The following NCOR2 variants were observed in gnomAD, a reference collection of about 807,000 sequenced individuals.
The protein encoded by NCOR2 is CTG repeat protein 26.
Under a neutral mutation model 262.9 loss-of-function variants are expected in NCOR2, and 81 were observed. The observed-to-expected ratio is 0.31, with a 90% CI of 0.26 to 0.37. The LOEUF (loss-of-function observed/expected upper bound fraction) is 0.37, where lower values mean the gene tolerates loss of function less well. Among genes scored for constraint, NCOR2 ranks in the 10% least tolerant of loss-of-function variants. The probability of loss-of-function intolerance (pLI) is 1.00; values close to 1 mark genes in which losing one functional copy is unlikely to be tolerated. For missense variants in NCOR2, 3,385 were observed against 3,621.4 expected, an observed-to-expected ratio of 0.93 and a Z score of 1.68; for synonymous variants, 1,659 against 1,559.3, an observed-to-expected ratio of 1.06 and a Z score of -1.51.
At chr12:124,372,039 C>T (rs371992618) in exon 20 of NCOR2, 22 of 1,596,558 alleles carry the variant, frequency 1.4e-5, no homozygotes, top group Non-Finnish European at 1.9e-5. Context: ...TGTCGCCGCC[C>T]TCGGCCTCAT....
intron 44 of NCOR2, among the ~76,000 whole-genome samples, chr12:124,330,642 G>A (rs1040000168): frequency 6.6e-6 from 1 of 152,240 alleles, no homozygotes; most frequent in Non-Finnish European, 1.5e-5. Flanking sequence ...TCCCTGCACA[G>A]CGAGGATCCT....
At chr12:124,339,911 C>A in intron 37 of NCOR2, 95 bp downstream of exon 39, 3 of 1,090,172 alleles carry the variant, frequency 2.8e-6, no homozygotes, top group Admixed American at 2.0e-5. Context: ...ACCCACCTCC[C>A]ATATACCTCC....
At chr12:124,466,789 C>G (rs887434706) in intron 4 of NCOR2, among the ~76,000 whole-genome samples, 18 of 152,052 alleles carry the variant, frequency 1.2e-4, no homozygotes, top group African/African-American at 4.4e-4. Flanking sequence ...CTACTTACTG[C>G]GTAGCCTTGA....
At chr12:124,522,952 C>T (rs568480631) in intron 1 of NCOR2, among the ~76,000 whole-genome samples, 10 of 152,278 alleles carry the variant, frequency 6.6e-5, no homozygotes, top group African/African-American at 9.6e-5. Context: ...GCCAGCCACT[C>T]GTGGGCAGCT....
rs138691304 is a variant in NCOR2 at position 124,378,564 on chromosome 12, C to T, written c.2020-180G>A. On this transcript the variant is annotated intron_variant, in intron 17 of 46. Coordinates refer to ENST00000405201, the Ensembl canonical transcript of NCOR2. This position sits in a 1 kb window ranked among gnomAD's most constrained non-coding sequence, Gnocchi z 4.2. The stretch of plus-strand genomic sequence containing the variant: ...CAAGCGTGCCAGGGTTTATTTTTAC[C>T]GGGGGCTTTATTCTTCCATTGAGCC... Among the ~76,000 whole-genome samples the T allele has an allele frequency of 4.6e-5, 7 of 152,282 alleles. No individual in the cohort carries two copies. The highest frequency in any genetic ancestry group is 9.6e-5 in the African/African-American group (4 of 41,546).
intron 8 of NCOR2, among the ~76,000 whole-genome samples, chr12:124,436,428 G>A (rs562533631): frequency 4.6e-5 from 7 of 152,320 alleles, no homozygotes; most frequent in African/African-American, 1.2e-4. Context: ...AGCCCTTGCC[G>A]CGTCTCTTAT....
upstream of NCOR2, among the ~76,000 whole-genome samples, chr12:124,498,576 C>A (rs554443888): frequency 6.6e-6 from 1 of 151,910 alleles, no homozygotes; most frequent in East Asian, 1.9e-4. Context: ...CCTGCCAACT[C>A]GAAAAAAAAC....
chr12:124,471,795 G>A lies in NCOR2; in HGVS notation c.591+1157C>T, dbSNP rs978584037. 1.9e-4 allele frequency among the ~76,000 whole-genome samples: 29 copies of A among 152,286 alleles called. No individual in the cohort carries two copies. The East Asian group carries it at 3.3e-3, about 17-fold the overall frequency. On this transcript the variant is annotated intron_variant, in intron 4 of 46. Transcript: ENST00000405201. ...TTGCCCACGCTGGTCTCAAACTCCC[G>A]GGCTCAAGTGATCCTCCAGCCTCAG...
rs1452471805 is a variant in NCOR2 at position 124,517,969 on chromosome 12, C to T, written c.-118+17596G>A. Among the ~76,000 whole-genome samples, 1 of 152,126 alleles carries T rather than the reference C, an allele frequency of 6.6e-6. No homozygotes were observed. Among genetic ancestry groups the T allele is most frequent in the Non-Finnish European group, 1.5e-5 (1 of 68,014 alleles). Reference sequence around the variant, plus strand: ...CCCCAGCCCTGGCCACCACCTCCAGCGACAGAACTGGGGCTCTTTCCAGAT... The same window carrying T: ...CCCCAGCCCTGGCCACCACCTCCAGTGACAGAACTGGGGCTCTTTCCAGAT... On this transcript the variant is annotated intron_variant, in intron 1 of 46. Coordinates refer to the NCOR2 transcript ENST00000404621. The surrounding 1 kb of genome is among the most constrained non-coding windows in gnomAD (Gnocchi z 7.6).
Position 124,350,605 on chromosome 12 carries a change from G to A in NCOR2, c.3826C>T (p.His1276Tyr), listed in dbSNP as rs762719883. The A allele has an allele frequency of 2.5e-6, 4 of 1,613,892 alleles. No homozygotes were observed. In the Admixed American group the frequency reaches 6.7e-5, roughly 27 times the overall value. ...GACTCACCCTCATAGGACAAGACGT[G>A]GCCCTTCTTGCCTTCGTAGATGACG... Residue 1276 changes from histidine to tyrosine, a missense_variant, in exon 28 of 47, where the codon CAC becomes TAC. Transcript: ENST00000405201.
intron 1 of NCOR2, among the ~76,000 whole-genome samples, chr12:124,506,986 T>C (rs757610667): frequency 6.6e-6 from 1 of 151,788 alleles, no homozygotes; most frequent in Non-Finnish European, 1.5e-5. Flanking sequence ...GCGGACGGGG[T>C]TGGGGTCCTG....
intron 3 of NCOR2, among the ~76,000 whole-genome samples, chr12:124,479,154 G>A (rs188639081): frequency 6.6e-6 from 1 of 152,222 alleles, no homozygotes; most frequent in Non-Finnish European, 1.5e-5. Flanking sequence ...CGCACCTGGG[G>A]GACAACTGCC....
intron 22 of NCOR2, among the ~76,000 whole-genome samples, chr12:124,358,484 C>T (rs1021104393): frequency 6.6e-6 from 1 of 152,166 alleles, no homozygotes; most frequent in African/African-American, 2.4e-5. Context: ...CTCCAAGTAA[C>T]AACCACAGCG....
chr12:124,456,796 C>A (rs2045889105), intron 6 of NCOR2, among the ~76,000 whole-genome samples: 1 of 152,214 alleles, frequency 6.6e-6, no homozygotes, highest in South Asian at 2.1e-4. Context: ...AGCGCACCGG[C>A]CTACGGATGT....
At chr12:124,351,520 C>A (rs1269482) in intron 27 of NCOR2, among the ~76,000 whole-genome samples, 150,083 of 152,204 alleles carry the variant, frequency 0.99, 74,031 homozygotes, top group Middle Eastern at 1. Flanking sequence ...GTTGGAGGCA[C>A]AATTTCCCCC....
intron 16 of NCOR2, among the ~76,000 whole-genome samples, chr12:124,387,400 C>T (rs1483291221): frequency 2.6e-5 from 4 of 152,252 alleles, no homozygotes; most frequent in Non-Finnish European, 5.9e-5. Context: ...CTCATCCTTG[C>T]TGTCATGGCT....
intron 7 of NCOR2, among the ~76,000 whole-genome samples, chr12:124,438,555 C>G (rs11832969): frequency 0.032 from 4,431 of 139,974 alleles, 239 homozygotes; most frequent in African/African-American, 0.11. Context: ...AGGAAACCCC[C>G]GGGCGGGGGC....
chr12:124,453,356 C>T (rs2045662357), intron 6 of NCOR2, among the ~76,000 whole-genome samples: 10 of 152,226 alleles, frequency 6.6e-5, no homozygotes, highest in Admixed American at 6.5e-4. Flanking sequence ...GAATCGAGGC[C>T]TAGATGCGTG....
chr12:124,427,519 C>G (rs2043622825), intron 10 of NCOR2, among the ~76,000 whole-genome samples: 1 of 152,238 alleles, frequency 6.6e-6, no homozygotes, highest in Non-Finnish European at 1.5e-5. Flanking sequence ...CTCCGCGTAG[C>G]CAAGGTCAGC....
Sources: allele counts gnomAD v4.1 joint callset (sites outside exome capture counted in the v4.1 genomes callset), GRCh38; gene constraint gnomAD v4.1.1; non-coding constraint Gnocchi (gnomAD v3.1); transcripts MANE v1.5; gene names NCBI Gene and HGNC (gene_info 2026-07-23, HGNC 2026-07-21).